UTRN: variants seen among roughly 807,000 people sequenced by gnomAD.
UTRN encodes dystrophin-related protein 1.
In UTRN, 283 loss-of-function variants were observed where a neutral mutation model predicts 463.9. The ratio of observed to expected loss-of-function variants is 0.61; its 90% CI spans 0.55 to 0.67. The LOEUF (loss-of-function observed/expected upper bound fraction) is 0.67. Among genes scored for constraint, UTRN ranks in the 30% least tolerant of loss-of-function variants. The pLI, the probability that UTRN is intolerant of heterozygous loss-of-function variation, is 0.00. For synonymous variants in UTRN, 1,442 were observed against 1,431.5 expected, an observed-to-expected ratio of 1.01 and a Z score of -0.17; for missense variants, 3,922 against 4,084.3, an observed-to-expected ratio of 0.96 and a Z score of 1.08.
chr6:144,569,319 A>G (rs1366639652), intron 50 of UTRN, among the ~76,000 whole-genome samples: 4 of 152,092 alleles, frequency 2.6e-5, no homozygotes, highest in Non-Finnish European at 5.9e-5. Flanking sequence ...TTTGACTTTT[A>G]GTATAGTCAT....
In UTRN at chr6:144,586,149, G is replaced by A. The variant is rs749929088; in HGVS notation, c.7479+8861G>A. 4.6e-5 allele frequency among the ~76,000 whole-genome samples: 7 copies of A among 151,946 alleles called. 1 individual carries two copies. Among genetic ancestry groups the A allele is most frequent in the African/African-American group, 1.7e-4 (7 of 41,374 alleles). ...TCAGAAGATAGTGTGTGTGTTACAC[G>A]AGTAGATACTTGTGTAGAATATTCT... On this transcript the variant is annotated intron_variant, in intron 51 of 74. Transcript: ENST00000367545.
intron 2 of UTRN, among the ~76,000 whole-genome samples, chr6:144,350,594 A>G (rs934190967): frequency 6.6e-6 from 1 of 152,218 alleles, no homozygotes. Flanking sequence ...AATGTAGTCT[A>G]TAGTTGTTTG....
At chr6:144,565,870 G>A (rs148702591) in intron 50 of UTRN, among the ~76,000 whole-genome samples, 1 of 152,138 alleles carries the variant, frequency 6.6e-6, no homozygotes, top group Non-Finnish European at 1.5e-5. Context: ...GAGGGACAGA[G>A]ATTTTAGGTA....
At chr6:144,502,076 G>A (rs1390492042) in intron 34 of UTRN, among the ~76,000 whole-genome samples, 1 of 150,338 alleles carries the variant, frequency 6.7e-6, no homozygotes, top group Non-Finnish European at 1.5e-5. Flanking sequence ...TTTTATTACT[G>A]TAGCTTCCTT....
intron 50 of UTRN, among the ~76,000 whole-genome samples, chr6:144,576,184 T>A (rs1459364250): frequency 6.6e-6 from 1 of 152,206 alleles, no homozygotes; most frequent in African/African-American, 2.4e-5. Flanking sequence ...ATTCTACTAG[T>A]TGGCCATTAT....
chr6:144,736,431 T>C (rs1347195394), intron 54 of UTRN, among the ~76,000 whole-genome samples: 1 of 152,204 alleles, frequency 6.6e-6, no homozygotes, highest in Non-Finnish European at 1.5e-5. Context: ...TCCTCCATGA[T>C]TTTTATCTCC....
intron 65 of UTRN, among the ~76,000 whole-genome samples, chr6:144,818,437 A>G (rs999273991): frequency 1.2e-4 from 18 of 152,150 alleles, no homozygotes; most frequent in Admixed American, 5.2e-4. Flanking sequence ...TGCCTTGCCC[A>G]CCTGGCCTTT....
chr6:144,464,477 G>A (rs3923155), intron 23 of UTRN, among the ~76,000 whole-genome samples: 5,547 of 151,930 alleles, frequency 0.037, 345 homozygotes, highest in African/African-American at 0.13. Context: ...AATGTGTTTT[G>A]TGTGGCTTAG....
intron 2 of UTRN, among the ~76,000 whole-genome samples, chr6:144,384,678 G>T (rs1176608635): frequency 1.3e-5 from 2 of 152,094 alleles, no homozygotes; most frequent in Non-Finnish European, 2.9e-5. Flanking sequence ...TATGTGACTG[G>T]CTGTGTCACT....
chr6:144,598,563 T>A (rs1803893705), intron 51 of UTRN, among the ~76,000 whole-genome samples: 1 of 152,224 alleles, frequency 6.6e-6, no homozygotes, highest in Non-Finnish European at 1.5e-5. Context: ...GGGAAGGGGA[T>A]TCTCTATGGA....
intron 26 of UTRN, among the ~76,000 whole-genome samples, chr6:144,481,180 A>G (rs922272937): frequency 6.6e-6 from 1 of 152,220 alleles, no homozygotes; most frequent in Admixed American, 6.5e-5. Context: ...TTACAAAACC[A>G]CTACACTTAA....
intron 2 of UTRN, among the ~76,000 whole-genome samples, chr6:144,369,381 G>A (rs1028900724): frequency 2.6e-5 from 4 of 152,234 alleles, no homozygotes; most frequent in Admixed American, 1.3e-4. Flanking sequence ...CACTTTGGGA[G>A]GCTGAAGTGG....
chr6:144,708,904 A>C (rs1785367364), intron 53 of UTRN, among the ~76,000 whole-genome samples: 1 of 152,170 alleles, frequency 6.6e-6, no homozygotes, highest in Admixed American at 6.5e-5. Context: ...GTGTCATCCA[A>C]TGGTGGAAAG....
chr6:144,521,004 G>C (rs755283858), intron 39 of UTRN, among the ~76,000 whole-genome samples: 13 of 152,138 alleles, frequency 8.5e-5, no homozygotes, highest in Non-Finnish European at 1.6e-4. Flanking sequence ...CTGAGAAGAG[G>C]GCCGGGCATG....
At chr6:144,628,681 G>A (rs1480451990) in intron 51 of UTRN, among the ~76,000 whole-genome samples, 4 of 152,150 alleles carry the variant, frequency 2.6e-5, no homozygotes, top group African/African-American at 4.8e-5. Flanking sequence ...CCAAAAGAAC[G>A]CATAGAAACA....
chr6:144,458,736 A>G (rs902903376), intron 19 of UTRN, 34 bp from the exon 20 acceptor site: 1 of 1,550,646 alleles, frequency 6.4e-7, no homozygotes, highest in Admixed American at 2.1e-5. Flanking sequence ...TTTGTAATAT[A>G]TAGACTGTTT....
Position 144,376,892 on chromosome 6 carries a change from A to G in UTRN, c.80-26231A>G, listed in dbSNP as rs112962919. On this transcript the variant is annotated intron_variant, in intron 2 of 74. Coordinates refer to ENST00000367545, the MANE Select transcript of UTRN (RefSeq NM_007124.3). ...TATAGAAATGAATAAATCATAGTTA[A>G]TAGTACAGTATATTAATAATACTGT... Among the ~76,000 whole-genome samples, 1,265 of 152,342 alleles carry G rather than the reference A, an allele frequency of 8.3e-3. 18 individuals are homozygous for G. Among genetic ancestry groups the G allele is most frequent in the African/African-American group, 0.028 (1,179 of 41,570 alleles).
chr6:144,366,748 C>A (rs183956073), intron 2 of UTRN, among the ~76,000 whole-genome samples: 16 of 152,172 alleles, frequency 1.1e-4, no homozygotes, highest in Admixed American at 5.9e-4. Flanking sequence ...GATTTATATT[C>A]CTTTGGGTTT....
intron 64 of UTRN, 51 bp downstream of exon 64, chr6:144,798,041 T>G: frequency 6.2e-7 from 1 of 1,611,016 alleles, no homozygotes; most frequent in Non-Finnish European, 8.5e-7. Flanking sequence ...CTTTGTGTAA[T>G]CTCAGTGGTA....
Sources: gnomAD v4.1 joint callset for allele counts (sites outside exome capture counted in the v4.1 genomes callset) on GRCh38, gnomAD v4.1.1 for gene constraint, MANE v1.5 for transcripts, NCBI Gene and HGNC (gene_info 2026-07-23, HGNC 2026-07-21) for gene names.